Variants in ELOVL6 observed in about 807,000 individuals in gnomAD.
The protein encoded by ELOVL6 is very long chain fatty acid elongase 6.
Under a neutral mutation model 31.7 loss-of-function variants are expected in ELOVL6, and 8 were observed. The observed-to-expected ratio is 0.25, with a 90% CI of 0.15 to 0.45. The LOEUF is 0.45. Ranked by LOEUF, ELOVL6 falls within the 20% of genes least tolerant of loss-of-function variation. The pLI, the probability that ELOVL6 is intolerant of heterozygous loss-of-function variation, is 1.00. For synonymous variants in ELOVL6, 101 were observed against 117.7 expected, an observed-to-expected ratio of 0.86 and a Z score of 0.92; for missense variants, 126 against 326.4, an observed-to-expected ratio of 0.39 and a Z score of 4.73.
intron 1 of ELOVL6, among the ~76,000 whole-genome samples, chr4:110,176,300 C>T (rs111395746): frequency 0.012 from 1,889 of 151,910 alleles, 36 homozygotes; most frequent in African/African-American, 0.041. Flanking sequence ...GTAGCTGGGA[C>T]TACAGGCACA....
intron 2 of ELOVL6, among the ~76,000 whole-genome samples, chr4:110,084,374 A>ATAAATT (rs1756117115): frequency 7.7e-6 from 1 of 129,538 alleles, no homozygotes; most frequent in African/African-American, 2.9e-5. Flanking sequence ...TATATGATAT[A>ATAAATT]TGATATATAT....
intron 2 of ELOVL6, among the ~76,000 whole-genome samples, chr4:110,084,435 T>TATATGATATATCGCATATATC (rs1756142266): frequency 1.0e-5 from 1 of 99,220 alleles, no homozygotes; most frequent in Non-Finnish European, 1.9e-5. Context: ...ACATATATCA[T>TATATGATATATCGCATATATC]ATATGATATA....
intron 1 of ELOVL6, among the ~76,000 whole-genome samples, chr4:110,162,431 G>A (rs1758656267): frequency 1.3e-5 from 2 of 152,156 alleles, no homozygotes; most frequent in African/African-American, 4.8e-5. Context: ...CTGTAGCCTT[G>A]AGCTCTTCAG....
At chr4:110,058,292 G>C (rs559847865) in intron 3 of ELOVL6, among the ~76,000 whole-genome samples, 1 of 152,206 alleles carries the variant, frequency 6.6e-6, no homozygotes, top group Non-Finnish European at 1.5e-5. Context: ...CTGTTGGAGG[G>C]GGGGAGCGGT....
At chr4:110,091,135 A>T (rs1311801332) in intron 2 of ELOVL6, among the ~76,000 whole-genome samples, 1 of 152,182 alleles carries the variant, frequency 6.6e-6, no homozygotes, top group Non-Finnish European at 1.5e-5. Context: ...TCAAACTTTA[A>T]CCTAGTTCTA....
intron 1 of ELOVL6, 151 bp downstream of exon 1, chr4:110,198,096 C>G: frequency 2.2e-6 from 1 of 453,632 alleles, no homozygotes; most frequent in South Asian, 1.8e-5. Flanking sequence ...CCAGCGTCTC[C>G]TGCACCCGGG....
intron 2 of ELOVL6, among the ~76,000 whole-genome samples, chr4:110,084,277 A>G (rs1162818643): frequency 7.7e-6 from 1 of 129,334 alleles, no homozygotes. Context: ...TGTGATATAT[A>G]ACATATATAA....
chr4:110,140,730 T>C (rs957873702), intron 1 of ELOVL6, among the ~76,000 whole-genome samples: 3 of 151,474 alleles, frequency 2.0e-5, no homozygotes, highest in Non-Finnish European at 2.9e-5. Flanking sequence ...AATGACTATT[T>C]GTTAATTGCA....
chr4:110,062,508 C>T (rs1008040004), intron 2 of ELOVL6, among the ~76,000 whole-genome samples: 1 of 152,204 alleles, frequency 6.6e-6, no homozygotes, highest in Non-Finnish European at 1.5e-5. Context: ...ATCCTCTGCA[C>T]GCTTTGGAAC....
At chr4:110,106,664 C>A (rs1756899244) in intron 1 of ELOVL6, among the ~76,000 whole-genome samples, 1 of 152,118 alleles carries the variant, frequency 6.6e-6, no homozygotes, top group Non-Finnish European at 1.5e-5. Context: ...AGCTTCTTAA[C>A]TATATCCTGT....
chr4:110,076,003 C>T (rs539598600), intron 2 of ELOVL6, among the ~76,000 whole-genome samples: 7 of 152,070 alleles, frequency 4.6e-5, no homozygotes, highest in Non-Finnish European at 8.8e-5. Context: ...AGAGTTGATA[C>T]CCTGAAACAA....
At chr4:110,134,917 T>C (rs1234599325) in intron 1 of ELOVL6, among the ~76,000 whole-genome samples, 1 of 152,014 alleles carries the variant, frequency 6.6e-6, no homozygotes, top group Non-Finnish European at 1.5e-5. Context: ...ATCATACCAC[T>C]GCACTCCAGC....
intron 2 of ELOVL6, among the ~76,000 whole-genome samples, chr4:110,095,676 A>C (rs1328534676): frequency 6.6e-6 from 1 of 152,146 alleles, no homozygotes; most frequent in Non-Finnish European, 1.5e-5. Flanking sequence ...GTTTTAATTA[A>C]GGTTTAAACA....
intron 1 of ELOVL6, among the ~76,000 whole-genome samples, chr4:110,137,402 G>A (rs1757840821): frequency 6.6e-6 from 1 of 152,100 alleles, no homozygotes; most frequent in South Asian, 2.1e-4. Context: ...AAGTTGGAAA[G>A]CAGAGGTCAA....
chr4:110,098,674 A>C (rs1756660361), intron 2 of ELOVL6, among the ~76,000 whole-genome samples: 1 of 152,104 alleles, frequency 6.6e-6, no homozygotes, highest in South Asian at 2.1e-4. Context: ...GAGTTTTTAA[A>C]ATTTTCATAA....
At chr4:110,183,249 T>C (rs1397420071) in intron 1 of ELOVL6, among the ~76,000 whole-genome samples, 1 of 152,226 alleles carries the variant, frequency 6.6e-6, no homozygotes, top group Admixed American at 6.5e-5. Flanking sequence ...AGACACTCTT[T>C]TCTACTGATT....
At chr4:110,065,920 G>A (rs1051610222) in intron 2 of ELOVL6, among the ~76,000 whole-genome samples, 5 of 152,114 alleles carry the variant, frequency 3.3e-5, no homozygotes, top group African/African-American at 1.2e-4. Context: ...TTAAATGTAA[G>A]TTTTTTTGGA....
At chr4:110,118,684 A>T (rs1757257824) in intron 1 of ELOVL6, among the ~76,000 whole-genome samples, 1 of 152,222 alleles carries the variant, frequency 6.6e-6, no homozygotes, top group Non-Finnish European at 1.5e-5. Flanking sequence ...GGCTGCTGTG[A>T]ATAATGCTAC....
At chr4:110,081,637 A>C (rs1164718492) in intron 2 of ELOVL6, among the ~76,000 whole-genome samples, 6 of 150,800 alleles carry the variant, frequency 4.0e-5, no homozygotes, top group African/African-American at 1.5e-4. Context: ...AACCATAAAA[A>C]CCATAGAAGA....
Sources: gnomAD v4.1 joint callset for allele counts (sites outside exome capture counted in the v4.1 genomes callset) on GRCh38, gnomAD v4.1.1 for gene constraint, MANE v1.5 for transcripts, NCBI Gene and HGNC (gene_info 2026-07-23, HGNC 2026-07-21) for gene names.